Variants in DLC1 observed in about 807,000 individuals in gnomAD.
The protein encoded by DLC1 is DLC1 Rho GTPase activating protein.
Under a neutral mutation model 140.3 loss-of-function variants are expected in DLC1, and 54 were observed. The ratio of observed to expected loss-of-function variants is 0.38; its 90% CI spans 0.31 to 0.48. DLC1 has a LOEUF of 0.48. Ranked by LOEUF, DLC1 falls within the 20% of genes least tolerant of loss-of-function variation. DLC1 has a pLI of 0.96. For synonymous variants in DLC1, 986 were observed against 728.1 expected (o/e 1.35, Z -5.70); for missense variants, 2,536 against 1,907.0 (o/e 1.33, Z -6.14).
At chr8:13,452,561 T>C (rs1375823432) in intron 2 of DLC1, among the ~76,000 whole-genome samples, 1 of 152,162 alleles carries the variant, frequency 6.6e-6, no homozygotes, top group Non-Finnish European at 1.5e-5. Flanking sequence ...CAGAAGAAAA[T>C]AGAGTGGCTA....
At chr8:13,405,917 T>TTTCTTTCTTTCTTTC (rs1554514390) in intron 2 of DLC1, among the ~76,000 whole-genome samples, 17 of 84,902 alleles carry the variant, frequency 2.0e-4, no homozygotes, top group African/African-American at 6.6e-4. Context: ...CTTTCTTTTC[T>TTTCTTTCTTTCTTTC]TTTCTTTCTT....
intron 2 of DLC1, among the ~76,000 whole-genome samples, chr8:13,421,697 C>T (rs1003265675): frequency 1.3e-5 from 2 of 152,198 alleles, no homozygotes; most frequent in East Asian, 1.9e-4. Flanking sequence ...TAGCCTTTTG[C>T]TTCCAAAATA....
intron 1 of DLC1, among the ~76,000 whole-genome samples, chr8:13,506,642 C>T (rs1055951277): frequency 6.7e-6 from 1 of 148,544 alleles, no homozygotes; most frequent in African/African-American, 2.5e-5. Flanking sequence ...GACACATGCA[C>T]CCAAATATAT....
chr8:13,453,493 T>C (rs1470132223), intron 2 of DLC1, among the ~76,000 whole-genome samples: 1 of 32,370 alleles, frequency 3.1e-5, no homozygotes, highest in African/African-American at 1.4e-4. Context: ...TATATATACA[T>C]ATATATATGT....
chr8:13,277,745 G>A (rs1256703641), intron 5 of DLC1, among the ~76,000 whole-genome samples: 1 of 152,000 alleles, frequency 6.6e-6, no homozygotes, highest in Middle Eastern at 3.2e-3. Context: ...GTTTGGCAGG[G>A]AAGCTTAATA....
chr8:13,281,168 A>G (rs1395213761), intron 5 of DLC1, among the ~76,000 whole-genome samples: 1 of 152,192 alleles, frequency 6.6e-6, no homozygotes, highest in African/African-American at 2.4e-5. Flanking sequence ...TGAAATGTTT[A>G]GTTAATATAA....
intron 2 of DLC1, among the ~76,000 whole-genome samples, chr8:13,446,833 T>C (rs1798796443): frequency 6.6e-6 from 1 of 151,864 alleles, no homozygotes; most frequent in African/African-American, 2.4e-5. Flanking sequence ...ACCCAGCTAC[T>C]TGGGAGGCTG....
chr8:13,113,256 C>A (rs1363594681), intron 6 of DLC1, among the ~76,000 whole-genome samples: 1 of 152,126 alleles, frequency 6.6e-6, no homozygotes, highest in Admixed American at 6.5e-5. Flanking sequence ...GTATAAATTG[C>A]CAAGTACGCA....
In DLC1 at chr8:13,305,296, G is replaced by T; in HGVS notation, c.1321C>A (p.Gln441Lys). The T allele has an allele frequency of 1.3e-6, 2 of 1,597,854 alleles. No homozygotes were observed. The highest frequency in any genetic ancestry group is 2.3e-5 in the South Asian group (2 of 86,670). The change falls in exon 5 of 18, where the codon CAA (glutamine) becomes AAA (lysine). Residue 441 changes from glutamine to lysine, a missense_variant. By Grantham distance (53) the Gln-to-Lys change is moderately conservative. Coordinates refer to ENST00000276297, the MANE Select transcript of DLC1 (RefSeq NM_182643.3). Reference sequence around the variant, plus strand: ...GCCTTTTCCTTCTCTGAAATACCTTGAATAGCCTGAAAAAAAAGACACAAA... The same window carrying T: ...GCCTTTTCCTTCTCTGAAATACCTTTAATAGCCTGAAAAAAAAGACACAAA... ...SGTKPKTTAI[Q>K]GISEKEKAEI...
intron 1 of DLC1, among the ~76,000 whole-genome samples, chr8:13,549,991 A>G (rs1803789918): frequency 6.6e-6 from 1 of 152,152 alleles, no homozygotes; most frequent in African/African-American, 2.4e-5. Flanking sequence ...CAGGTACTGA[A>G]ATTGAAGAAA....
At chr8:13,124,246 G>C (rs1468659004) in intron 5 of DLC1, among the ~76,000 whole-genome samples, 2 of 152,170 alleles carry the variant, frequency 1.3e-5, no homozygotes, top group Admixed American at 6.5e-5. Flanking sequence ...CTTCTCGCTA[G>C]TGGACAAGTG....
chr8:13,362,932 A>G (rs958049187), intron 4 of DLC1, among the ~76,000 whole-genome samples: 1 of 152,042 alleles, frequency 6.6e-6, no homozygotes, highest in Non-Finnish European at 1.5e-5. Flanking sequence ...CATCCTACCA[A>G]TGTTACTCCC....
intron 4 of DLC1, among the ~76,000 whole-genome samples, chr8:13,334,681 A>G (rs961995407): frequency 1.3e-5 from 2 of 152,144 alleles, no homozygotes; most frequent in East Asian, 3.9e-4. Flanking sequence ...AAGAAAAGAG[A>G]AGAATCAAAA....
chr8:13,382,852 A>T (rs1455199346), intron 4 of DLC1, among the ~76,000 whole-genome samples: 1 of 152,220 alleles, frequency 6.6e-6, no homozygotes, highest in Non-Finnish European at 1.5e-5. Context: ...TATGAAGACA[A>T]TGTCTTTCAG....
intron 5 of DLC1, among the ~76,000 whole-genome samples, chr8:13,186,762 T>C (rs1191690432): frequency 6.6e-6 from 1 of 152,242 alleles, no homozygotes; most frequent in Non-Finnish European, 1.5e-5. Context: ...GCTTTTCTGC[T>C]CTGGTTTCTT....
rs190871521 is a variant in DLC1, at chr8:13,115,769, A to C, written c.1349-112T>G. On this transcript the variant is annotated intron_variant, in intron 5 of 17. Coordinates refer to ENST00000276297, the MANE Select transcript of DLC1 (RefSeq NM_182643.3). Reference sequence around the variant, plus strand: ...AAGCAAAACATGACTGCCATAGAAAATACAGATAAGCAAACAGACATACAC... The same window carrying C: ...AAGCAAAACATGACTGCCATAGAAACTACAGATAAGCAAACAGACATACAC... 8,154 of 974,314 alleles carry C rather than the reference A, an allele frequency of 8.4e-3. 445 individuals are homozygous for C. In the African/African-American group the frequency reaches 0.12, roughly 14 times the overall value. 60.4% of individuals were successfully genotyped at this position (974,314 alleles called of 1,614,324 possible).
At chr8:13,097,820 C>T (rs952929982) in intron 10 of DLC1, among the ~76,000 whole-genome samples, 3 of 152,118 alleles carry the variant, frequency 2.0e-5, no homozygotes, top group Middle Eastern at 6.8e-3. Flanking sequence ...GCTGAAAACT[C>T]AATCAACCCA....
intron 16 of DLC1, among the ~76,000 whole-genome samples, chr8:13,087,395 T>A (rs182169284): frequency 6.6e-6 from 1 of 152,322 alleles, no homozygotes; most frequent in Non-Finnish European, 1.5e-5. Context: ...AATGAAACCA[T>A]GTCCCCAAAT....
At chr8:13,102,732 TTC>T (rs1819199691) in intron 8 of DLC1, 56 bp downstream of exon 8, 2 of 1,451,864 alleles carry the variant, frequency 1.4e-6, no homozygotes, top group Non-Finnish European at 9.7e-7. Flanking sequence ...AAACACATCA[TTC>T]ACTTTTTTGT....
Sources: gnomAD v4.1 joint callset for allele counts (sites outside exome capture counted in the v4.1 genomes callset) on GRCh38, gnomAD v4.1.1 for gene constraint, MANE v1.5 for transcripts, NCBI Gene and HGNC (gene_info 2026-07-23, HGNC 2026-07-21) for gene names.